TSR2: variants seen among roughly 807,000 people sequenced by gnomAD.
The protein encoded by TSR2 is TSR2 ribosome maturation factor.
Under a neutral mutation model 13.3 loss-of-function variants are expected in TSR2, and 1 was observed. The ratio of observed to expected loss-of-function variants is 0.08; its 90% CI spans 0.03 to 0.36. TSR2 has a LOEUF of 0.36. Among genes scored for constraint, TSR2 ranks in the 10% least tolerant of loss-of-function variants. The pLI is 0.99. For synonymous variants in TSR2, 60 were observed against 57.7 expected, an observed-to-expected ratio of 1.04 and a Z score of -0.18; for missense variants, 120 against 151.1, an observed-to-expected ratio of 0.79 and a Z score of 1.08.
rs1922164339 is a variant in TSR2, at chrX:54,446,192, T to C, written c.*1642T>C. The C allele has an allele frequency of 8.3e-7, 1 of 1,210,161 alleles. No homozygotes were observed. Among genetic ancestry groups the C allele is most frequent in the African/African-American group, 1.7e-5 (1 of 57,365 alleles). ...GCCACCGGTGCCTCCTCCATCTCCC[T>C]GTCCTCAGACAGTGTGGGCCCCGGG... On this transcript the variant is annotated 3_prime_UTR_variant, in exon 5 of 5. Transcript: ENST00000375151.
intron 2 of TSR2, among the ~76,000 whole-genome samples, chrX:54,441,716 G>A (rs886864768): frequency 1.3e-4 from 14 of 111,064 alleles, no homozygotes; most frequent in African/African-American, 4.6e-4. Flanking sequence ...GCTCAGTATT[G>A]GAGTATGGGC....
In TSR2 at chrX:54,444,101, T is replaced by C. The variant is rs1187080719; in HGVS notation, c.358T>C (p.Cys120Arg). Residue 120 changes from cysteine (C) to arginine (R), a missense_variant, in exon 4 of 5, where the codon TGC becomes CGC. By Grantham distance (180) the Cys-to-Arg change is radical. This residue lies in a region of TSR2 where 55 missense variants were observed against 61.3 expected (regional missense o/e 0.90). Transcript: ENST00000375151. Reference sequence around the variant, plus strand: ...GGCCTCCTGCATCACTCAGAGAAAATGCAAGGTCACAGCCACTGCACTTAA... The same window carrying C: ...GGCCTCCTGCATCACTCAGAGAAAACGCAAGGTCACAGCCACTGCACTTAA... ...EMASCITQRK[C>R]KVTATALKTA... 8.3e-7 allele frequency: 1 copy of C among 1,210,993 alleles called. No individual in the cohort carries two copies. Among genetic ancestry groups the C allele is most frequent in the South Asian group, 1.8e-5 (1 of 56,956 alleles).
At chrX:54,443,879 C>T (rs1922019722) in intron 3 of TSR2, 129 bp from the exon 4 acceptor site, 4 of 986,407 alleles carry the variant, frequency 4.1e-6, no homozygotes, top group South Asian at 2.5e-5. Flanking sequence ...TTGGTTAATT[C>T]CTTGGGGAGG....
Position 54,447,368 on chromosome X carries a change from T to G in TSR2, c.*2818T>G, listed in dbSNP as rs1461870575. ...GTTCATTTTCAGGGACCACGAACCATGCCTTGTGCCATCCTTTGCCACCCT... is the reference window on the plus strand; with the variant it reads ...GTTCATTTTCAGGGACCACGAACCAGGCCTTGTGCCATCCTTTGCCACCCT... On this transcript the variant is annotated 3_prime_UTR_variant, in exon 5 of 5. Coordinates refer to ENST00000375151, the MANE Select transcript of TSR2 (RefSeq NM_058163.3). 1 of 1,210,417 alleles carries G rather than the reference T, an allele frequency of 8.3e-7. No homozygotes were observed. The highest frequency in any genetic ancestry group is 1.1e-6 in the Non-Finnish European group (1 of 895,164).
Position 54,440,474 on chromosome X carries a change from C to T in TSR2, c.53C>T (p.Ala18Val). ...ARALFRAGVC[A>V]ALEAWPALQI... ...GCTCTTTTCCGGGCTGGGGTCTGCG[C>T]GGCCCTGGAGGCCTGGCCGGCCTTG... Residue 18 changes from alanine (A) to valine (V), a missense_variant, in exon 1 of 5, where the codon GCG becomes GTG. By Grantham distance (64) the Ala-to-Val change is moderately conservative. Around this residue, in one of 3 missense-constraint regions of TSR2, gnomAD observed 53 missense variants for 52.3 expected, o/e 1.01. Transcript: ENST00000375151. 8.8e-6 allele frequency: 10 copies of T among 1,134,790 alleles called. No individual in the cohort carries two copies. Among genetic ancestry groups the T allele is most frequent in the Non-Finnish European group, 1.0e-5 (9 of 860,117 alleles). The allele number at this position is 1,134,790 out of a possible 1,213,427, so 93.5% of individuals were successfully genotyped here.
chrX:54,445,725 A>T lies in TSR2; in HGVS notation c.*1175A>T. ...GGAGGCAGGGCTGGGTCGGGGCCCC[A>T]GGGTCAGTGGCAGAGCTGGCACTTG... On this transcript the variant is annotated 3_prime_UTR_variant, in exon 5 of 5. Transcript: ENST00000375151. 1.3e-5 allele frequency: 2 copies of T among 154,041 alleles called. No individual in the cohort carries two copies. The highest frequency in any genetic ancestry group is 2.4e-5 in the Non-Finnish European group (2 of 83,779). 12.7% of individuals were successfully genotyped at this position (154,041 alleles called of 1,213,427 possible).
chrX:54,444,871 G>A lies in TSR2; in HGVS notation c.*321G>A, dbSNP rs1481423147. 1 of 141,390 alleles carries A rather than the reference G, an allele frequency of 7.1e-6. No homozygotes were observed. The highest frequency in any genetic ancestry group is 1.4e-5 in the Non-Finnish European group (1 of 72,784). The allele number at this position is 141,390 out of a possible 1,213,427, so 11.7% of individuals were successfully genotyped here. On this transcript the variant is annotated 3_prime_UTR_variant, in exon 5 of 5. Coordinates refer to ENST00000375151, the MANE Select transcript of TSR2 (RefSeq NM_058163.3). ...GAGTGTGGGTGTGGCTGGAGGAGGA[G>A]CTAGATGCCGGTGGACAGTGGGCAG...
Position 54,444,642 on chromosome X carries a change from A to C in TSR2, c.*92A>C, listed in dbSNP as rs1289034611. 2.2e-6 allele frequency: 2 copies of C among 928,752 alleles called. No individual in the cohort carries two copies. The highest frequency in any genetic ancestry group is 4.0e-5 in the African/African-American group (2 of 49,500). The allele number at this position is 928,752 out of a possible 1,213,427, so 76.5% of individuals were successfully genotyped here. A position where few individuals can be genotyped will look rare whatever the true frequency, so the allele number is the denominator to read the frequency against. The stretch of plus-strand genomic sequence containing the variant: ...TTTTTTGAGGATTGCAGACCTGTGG[A>C]CTGGTTACCCCATCTCCACCCTCTC... On this transcript the variant is annotated 3_prime_UTR_variant, in exon 5 of 5. Transcript: ENST00000375151.
rs752981716 is a variant in TSR2, at chrX:54,446,262, G to C, written c.*1712G>C. On this transcript the variant is annotated 3_prime_UTR_variant, in exon 5 of 5. Coordinates refer to ENST00000375151, the MANE Select transcript of TSR2 (RefSeq NM_058163.3). The stretch of plus-strand genomic sequence containing the variant: ...CCGCCCGGCCAAGCACAGCCATCCA[G>C]CGTCGCTGTAGTTCCTCTGTCTCAG... The C allele has an allele frequency of 8.3e-7, 1 of 1,212,107 alleles. No homozygotes were observed. Among genetic ancestry groups the C allele is most frequent in the Non-Finnish European group, 1.1e-6 (1 of 895,539 alleles).
At position 54,443,434 on chromosome X, in the gene TSR2, T is replaced by G. The variant is rs778373881; in HGVS notation, c.207T>G (p.Leu69=). The change falls in exon 3 of 5, where the codon CTT becomes CTG. Residue 69 remains leucine (L), a synonymous_variant. Coordinates refer to ENST00000375151, the MANE Select transcript of TSR2 (RefSeq NM_058163.3). ...DLELDEVEDF[L]GELLTNEFDT... The stretch of plus-strand genomic sequence containing the variant: ...AGCTAGATGAGGTGGAAGACTTCCT[T>G]GGAGAGCTGTTGACCAACGAGTTTG... The G allele has an allele frequency of 1.7e-6, 2 of 1,208,167 alleles. No homozygotes were observed. Among genetic ancestry groups the G allele is most frequent in the Non-Finnish European group, 2.2e-6 (2 of 894,094 alleles).
rs751228990 is a variant in TSR2, at chrX:54,444,427, G to A, written c.453G>A (p.Thr151=). Residue 151 remains threonine (T), a synonymous_variant, in exon 5 of 5, where the codon ACG becomes ACA. Coordinates refer to ENST00000375151, the MANE Select transcript of TSR2 (RefSeq NM_058163.3). Reference sequence around the variant, plus strand: ...AATCTCCCCTCCAGGTCACAGCTACGAATGATGGGGCTGCTACAGATGGGG... The same window carrying A: ...AATCTCCCCTCCAGGTCACAGCTACAAATGATGGGGCTGCTACAGATGGGG... ...DSVEEMEVTA[T]NDGAATDGVC... is the part of the protein sequence containing the mutation. The A allele has an allele frequency of 4.1e-6, 5 of 1,209,183 alleles. No individual in the cohort carries two copies. In the East Asian group the frequency reaches 1.5e-4, roughly 36 times the overall value.
intron 3 of TSR2, 94 bp downstream of exon 3, chrX:54,443,585 C>T (rs1922008336): frequency 6.4e-6 from 4 of 629,791 alleles, no homozygotes; most frequent in African/African-American, 2.3e-5. Context: ...GACTATGACT[C>T]TGTTGCCTAG....
chrX:54,441,640 G>GA, intron 2 of TSR2, among the ~76,000 whole-genome samples: 1 of 111,215 alleles, frequency 9.0e-6, no homozygotes, highest in African/African-American at 3.3e-5. Context: ...GGGGGAAGCA[G>GA]AGAGAGCAAC....
chrX:54,446,725 T>TC lies in TSR2; in HGVS notation c.*2175_*2176insC, dbSNP rs1427763084. ...GCTATTGCCCCTATCTGCATACTTT[T>TC]TTTTTTTTTTTTTTTTGAGACAGAG... is the stretch of plus-strand genomic sequence containing the variant. On this transcript the variant is annotated 3_prime_UTR_variant, in exon 5 of 5. Coordinates refer to ENST00000375151, the MANE Select transcript of TSR2 (RefSeq NM_058163.3). Among the ~76,000 whole-genome samples the TC allele has an allele frequency of 1.1e-5, 1 of 91,547 alleles. No individual in the cohort carries two copies. Among genetic ancestry groups the TC allele is most frequent in the African/African-American group, 3.7e-5 (1 of 27,377 alleles). 79.5% of individuals were successfully genotyped at this position (91,547 alleles called of 115,157 possible). A position where few individuals can be genotyped will look rare whatever the true frequency, so the allele number is the denominator to read the frequency against.
chrX:54,441,126 G>C (rs1032249865), intron 2 of TSR2, among the ~76,000 whole-genome samples: 2 of 112,429 alleles, frequency 1.8e-5, no homozygotes, highest in Admixed American at 1.9e-4. Context: ...AAAGCAAAAA[G>C]CAGATGAAAT....
chrX:54,444,337 C>A, intron 4 of TSR2, 79 bp from the exon 5 acceptor site: 2 of 1,150,126 alleles, frequency 1.7e-6, no homozygotes, highest in South Asian at 4.2e-5. Context: ...AGTTACACAG[C>A]CAATCCTGGA....
chrX:54,440,467 G>C lies in TSR2; in HGVS notation c.46G>C (p.Val16Leu), dbSNP rs1921883729. The change falls in exon 1 of 5, where the codon GTC becomes CTC. Residue 16 changes from valine to leucine, a missense_variant. By Grantham distance (32) the Val-to-Leu change is conservative. Transcript: ENST00000375151. The part of the protein sequence containing the change: ...EDARALFRAG[V>L]CAALEAWPAL... ...TGCGCGAGCTCTTTTCCGGGCTGGG[G>C]TCTGCGCGGCCCTGGAGGCCTGGCC... is the stretch of plus-strand genomic sequence containing the variant. 5.3e-6 allele frequency: 6 copies of C among 1,135,197 alleles called. No individual in the cohort carries two copies. The Middle Eastern group carries it at 7.5e-4, about 142-fold the overall frequency. 93.6% of individuals were successfully genotyped at this position (1,135,197 alleles called of 1,213,427 possible). A position where few individuals can be genotyped will look rare whatever the true frequency, so the allele number is the denominator to read the frequency against.
chrX:54,440,800 C>A lies in TSR2; in HGVS notation c.172+20C>A. ...GCAATGGTGAGTGAATGTGAGGCGC[C>A]GCGACCCGCCTGTGTGGGGGTGTGG... is the stretch of plus-strand genomic sequence containing the variant. On this transcript the variant is annotated intron_variant, in intron 2 of 4. Transcript: ENST00000375151. 4 of 1,127,323 alleles carry A rather than the reference C, an allele frequency of 3.5e-6. No homozygotes were observed. The Admixed American group carries it at 9.9e-5, about 28-fold the overall frequency. 92.9% of individuals were successfully genotyped at this position (1,127,323 alleles called of 1,213,427 possible). A position where few individuals can be genotyped will look rare whatever the true frequency, so the allele number is the denominator to read the frequency against.
intron 1 of TSR2, 93 bp downstream of exon 1, chrX:54,440,595 G>T: frequency 8.9e-7 from 1 of 1,123,658 alleles, no homozygotes; most frequent in African/African-American, 1.8e-5. Flanking sequence ...TGGCTAGGCG[G>T]CATAAGAGGA....
Sources: gnomAD v4.1 joint callset for allele counts (sites outside exome capture counted in the v4.1 genomes callset) on GRCh38, gnomAD v4.1.1 for gene constraint, gnomAD v4.1.1 regional missense constraint, MANE v1.5 for transcripts, NCBI Gene and HGNC (gene_info 2026-07-23, HGNC 2026-07-21) for gene names.